The following PLPP4 variants were observed in gnomAD, a reference collection of about 807,000 sequenced individuals.
PLPP4 encodes phospholipid phosphatase 4, also known as diacylglycerol pyrophosphate like 2.
Under a neutral mutation model 32.2 loss-of-function variants are expected in PLPP4, and 20 were observed. That is an observed-to-expected ratio of 0.62 (90% CI 0.44 to 0.90). The LOEUF is 0.90. PLPP4 is among the 40% of genes least tolerant of loss of function. PLPP4 has a pLI of 0.00. For synonymous variants in PLPP4, 127 were observed against 133.0 expected (o/e 0.95, Z 0.31); for missense variants, 257 against 353.1 (o/e 0.73, Z 2.18).
chr10:120,513,786 G>A (rs576886557), intron 2 of PLPP4, 125 bp from the exon 3 acceptor site: 2 of 769,158 alleles, frequency 2.6e-6, no homozygotes, highest in East Asian at 2.5e-5. Flanking sequence ...TTTGTTTGAG[G>A]TCAGGAGTTC....
intron 6 of PLPP4, chr10:120,581,305 T>G: frequency 1.0e-6 from 1 of 985,378 alleles, no homozygotes; most frequent in Non-Finnish European, 1.2e-6. Context: ...AGCATATTTA[T>G]AGACTCCAAC....
At chr10:120,582,354 T>C (rs1349686954) in intron 6 of PLPP4, among the ~76,000 whole-genome samples, 1 of 152,142 alleles carries the variant, frequency 6.6e-6, no homozygotes, top group East Asian at 1.9e-4. Context: ...GCCTCTCTCT[T>C]CCCATGGTGT....
In PLPP4 at chr10:120,560,166, A is replaced by G. The variant is rs1355420134; in HGVS notation, c.446-14965A>G. Reference sequence around the variant, plus strand: ...AACCTTGAATAACACCATGGGACTTATGAAGTGTCACTAGTGATGCTGGAA... The same window carrying G: ...AACCTTGAATAACACCATGGGACTTGTGAAGTGTCACTAGTGATGCTGGAA... On this transcript the variant is annotated intron_variant, in intron 5 of 6. Coordinates refer to ENST00000398250, the MANE Select transcript of PLPP4 (RefSeq NM_001030059.3). 4.3e-4 allele frequency among the ~76,000 whole-genome samples: 66 copies of G among 152,174 alleles called. 2 individuals are homozygous for G. The highest frequency in any genetic ancestry group is 4.2e-3 in the Admixed American group (64 of 15,280).
chr10:120,560,018 C>G (rs879787021), intron 5 of PLPP4, among the ~76,000 whole-genome samples: 1 of 152,140 alleles, frequency 6.6e-6, no homozygotes, highest in African/African-American at 2.4e-5. Context: ...CCTAAAACAC[C>G]GTGTGGCGCT....
chr10:120,505,218 C>T (rs1201277761), intron 2 of PLPP4, among the ~76,000 whole-genome samples: 2 of 152,214 alleles, frequency 1.3e-5, no homozygotes, highest in Admixed American at 1.3e-4. Flanking sequence ...GCACCAGGTT[C>T]TAGCGGCCAG....
At chr10:120,573,446 T>C (rs765258783) in intron 5 of PLPP4, among the ~76,000 whole-genome samples, 5 of 152,202 alleles carry the variant, frequency 3.3e-5, no homozygotes, top group Non-Finnish European at 5.9e-5. Context: ...GTTCACTGTT[T>C]GGTACTATAG....
intron 5 of PLPP4, among the ~76,000 whole-genome samples, chr10:120,553,440 AG>A (rs1188539788): frequency 6.6e-6 from 1 of 152,214 alleles, no homozygotes; most frequent in Non-Finnish European, 1.5e-5. Context: ...CCTTTGAACC[AG>A]GAAACAGGCT....
At chr10:120,509,850 T>C (rs1845655243) in intron 2 of PLPP4, among the ~76,000 whole-genome samples, 1 of 152,206 alleles carries the variant, frequency 6.6e-6, no homozygotes. Flanking sequence ...CAAGCCTCCT[T>C]ACCTTTCTTT....
chr10:120,483,902 G>A (rs968130105), intron 1 of PLPP4, among the ~76,000 whole-genome samples: 1 of 152,196 alleles, frequency 6.6e-6, no homozygotes, highest in Non-Finnish European at 1.5e-5. Context: ...AAACATTCCA[G>A]CCATTAGAAT....
intron 1 of PLPP4, among the ~76,000 whole-genome samples, chr10:120,467,656 A>G (rs1848383817): frequency 1.5e-5 from 1 of 65,502 alleles, no homozygotes; most frequent in African/African-American, 3.3e-5. Context: ...AGAGCTCATC[A>G]ACAGAAAAAT....
chr10:120,460,303 GCTT>G (rs1847983697), intron 1 of PLPP4, among the ~76,000 whole-genome samples: 1 of 152,110 alleles, frequency 6.6e-6, no homozygotes, highest in Non-Finnish European at 1.5e-5. Context: ...GCACTTTTGG[GCTT>G]CTTCTGTCCT....
At chr10:120,459,663 T>C (rs1847953300) in intron 1 of PLPP4, among the ~76,000 whole-genome samples, 1 of 152,198 alleles carries the variant, frequency 6.6e-6, no homozygotes, top group African/African-American at 2.4e-5. Flanking sequence ...CTTCAGCCAG[T>C]GTAGCTCAGC....
chr10:120,498,991 T>G (rs1388903645), intron 1 of PLPP4, among the ~76,000 whole-genome samples: 2 of 152,198 alleles, frequency 1.3e-5, no homozygotes, highest in African/African-American at 4.8e-5. Context: ...ACAACAGGCC[T>G]GACCCTCATC....
At chr10:120,475,941 G>A (rs1843882465) in intron 1 of PLPP4, among the ~76,000 whole-genome samples, 1 of 152,176 alleles carries the variant, frequency 6.6e-6, no homozygotes, top group Non-Finnish European at 1.5e-5. Context: ...TTAAGATAAT[G>A]TCTGAAATCA....
chr10:120,586,002 T>C (rs1298715791), intron 6 of PLPP4, among the ~76,000 whole-genome samples: 1 of 152,222 alleles, frequency 6.6e-6, no homozygotes, highest in Non-Finnish European at 1.5e-5. Flanking sequence ...TGAACTCGTA[T>C]GGGGAGAAAG....
At chr10:120,512,957 A>G (rs939545630) in intron 2 of PLPP4, among the ~76,000 whole-genome samples, 2 of 152,104 alleles carry the variant, frequency 1.3e-5, no homozygotes, top group African/African-American at 4.8e-5. Context: ...CAACAGTTAC[A>G]CCCCAGCCCT....
chr10:120,533,847 G>A (rs1405474401), intron 5 of PLPP4, among the ~76,000 whole-genome samples: 2 of 151,982 alleles, frequency 1.3e-5, no homozygotes, highest in Non-Finnish European at 2.9e-5. Context: ...GTTACCATCT[G>A]GTTTCATTTC....
chr10:120,470,169 A>G (rs1848455087), intron 1 of PLPP4, among the ~76,000 whole-genome samples: 1 of 152,158 alleles, frequency 6.6e-6, no homozygotes, highest in Non-Finnish European at 1.5e-5. Context: ...GGAATGTAAC[A>G]TTTGCTTCAC....
intron 6 of PLPP4, among the ~76,000 whole-genome samples, chr10:120,581,971 T>C (rs751762122): frequency 2.6e-5 from 4 of 152,200 alleles, no homozygotes; most frequent in Non-Finnish European, 4.4e-5. Flanking sequence ...GTTGCACCTA[T>C]TCAGTTTGGC....
Sources: gnomAD v4.1 joint callset for allele counts (sites outside exome capture counted in the v4.1 genomes callset) on GRCh38, gnomAD v4.1.1 for gene constraint, MANE v1.5 for transcripts, NCBI Gene and HGNC (gene_info 2026-07-23, HGNC 2026-07-21) for gene names.